Variants in KHDRBS2 observed in about 807,000 individuals in gnomAD.
KHDRBS2 encodes the protein KH RNA binding domain containing, signal transduction associated 2.
KHDRBS2 carries 26 observed loss-of-function variants against 44.3 expected under a neutral mutation model. That is an observed-to-expected ratio of 0.59 (90% CI 0.43 to 0.81). The LOEUF is 0.81. Among genes scored for constraint, KHDRBS2 ranks in the 40% least tolerant of loss-of-function variants. KHDRBS2 has a pLI of 0.00. For synonymous variants in KHDRBS2, 194 were observed against 151.1 expected (o/e 1.28, Z -2.08); for missense variants, 476 against 433.1 (o/e 1.10, Z -0.88).
intron 2 of KHDRBS2, among the ~76,000 whole-genome samples, chr6:62,099,136 A>G (rs1184154453): frequency 6.6e-6 from 1 of 152,156 alleles, no homozygotes; most frequent in Non-Finnish European, 1.5e-5. Flanking sequence ...CTTTAGGGTC[A>G]GTATCCGGTA....
At chr6:61,740,709 T>G (rs1490473116) in intron 6 of KHDRBS2, among the ~76,000 whole-genome samples, 1 of 151,902 alleles carries the variant, frequency 6.6e-6, no homozygotes, top group Admixed American at 6.6e-5. Flanking sequence ...ACTGTTGATA[T>G]AGTGTAAGGA....
chr6:62,119,283 A>G (rs1157478018), intron 2 of KHDRBS2, among the ~76,000 whole-genome samples: 1 of 152,296 alleles, frequency 6.6e-6, no homozygotes, highest in South Asian at 2.1e-4. Context: ...TAGTGACTCT[A>G]TACATAATAC....
intron 1 of KHDRBS2, among the ~76,000 whole-genome samples, chr6:62,235,647 T>C (rs1268095052): frequency 6.6e-6 from 1 of 152,072 alleles, no homozygotes; most frequent in African/African-American, 2.4e-5. Flanking sequence ...TACAATATTT[T>C]CAGTGACACT....
intron 1 of KHDRBS2, among the ~76,000 whole-genome samples, chr6:62,255,152 T>C (rs16882700): frequency 0.03 from 4,596 of 152,076 alleles, 178 homozygotes; most frequent in African/African-American, 0.1. Context: ...AAATAGATCA[T>C]CTTCCCAAAG....
chr6:61,714,854 T>C (rs1320721842), intron 7 of KHDRBS2, among the ~76,000 whole-genome samples: 1 of 151,732 alleles, frequency 6.6e-6, no homozygotes, highest in African/African-American at 2.4e-5. Flanking sequence ...TATGTACCCA[T>C]GGATGTAGAG....
At chr6:62,112,454 C>T (rs1179183165) in intron 2 of KHDRBS2, among the ~76,000 whole-genome samples, 7 of 151,970 alleles carry the variant, frequency 4.6e-5, no homozygotes, top group Non-Finnish European at 7.4e-5. Context: ...TAGATGAAAC[C>T]CTTTTGGCAT....
intron 6 of KHDRBS2, among the ~76,000 whole-genome samples, chr6:61,794,302 A>G (rs1293124265): frequency 6.6e-6 from 1 of 152,180 alleles, no homozygotes; most frequent in Admixed American, 6.5e-5. Context: ...GTGTTCTAAT[A>G]CGTGTAAGAC....
chr6:62,165,556 T>G (rs1818512418), intron 2 of KHDRBS2, among the ~76,000 whole-genome samples: 1 of 151,894 alleles, frequency 6.6e-6, no homozygotes, highest in African/African-American at 2.4e-5. Context: ...AATCTTGCAT[T>G]CCTGAAATGA....
rs573169273 is a variant in KHDRBS2 at position 61,885,572 on chromosome 6, T to C, written c.810+9063A>G. Among the ~76,000 whole-genome samples the C allele has an allele frequency of 9.3e-4, 141 of 152,274 alleles. 1 individual carries two copies. The highest frequency in any genetic ancestry group is 2.1e-3 in the South Asian group (10 of 4,818). On this transcript the variant is annotated intron_variant, in intron 6 of 8. Transcript: ENST00000281156. Reference sequence around the variant, plus strand: ...GTAGGAGTATTCCTGGAAATATTTATACAACAGAACAGTAGCAATATCTAA... The same window carrying C: ...GTAGGAGTATTCCTGGAAATATTTACACAACAGAACAGTAGCAATATCTAA...
At chr6:62,241,815 C>T (rs935017978) in intron 1 of KHDRBS2, among the ~76,000 whole-genome samples, 1 of 149,262 alleles carries the variant, frequency 6.7e-6, no homozygotes, top group Non-Finnish European at 1.5e-5. Flanking sequence ...GAGCCAAGTA[C>T]AGTAGAAGGG....
intron 2 of KHDRBS2, among the ~76,000 whole-genome samples, chr6:62,059,759 T>A (rs1791285992): frequency 6.6e-6 from 1 of 151,732 alleles, no homozygotes; most frequent in African/African-American, 2.4e-5. Context: ...GGGTAGTATT[T>A]CAAGTCATGA....
chr6:61,548,962 A>G, the KHDRBS2 span, among the ~76,000 whole-genome samples: 1 of 152,112 alleles, frequency 6.6e-6, no homozygotes, highest in Non-Finnish European at 1.5e-5. Context: ...CTCAGCAAAC[A>G]CTTGGAATGG....
intron 2 of KHDRBS2, among the ~76,000 whole-genome samples, chr6:62,117,695 G>C (rs1181719301): frequency 6.6e-6 from 1 of 152,030 alleles, no homozygotes; most frequent in Non-Finnish European, 1.5e-5. Flanking sequence ...CCAATGTCCT[G>C]AGGTGTTTTT....
chr6:61,600,380 A>T, the KHDRBS2 span, among the ~76,000 whole-genome samples: 1 of 152,142 alleles, frequency 6.6e-6, no homozygotes, highest in Admixed American at 6.6e-5. Context: ...ACCATGTGAA[A>T]TTCCTTCTCC....
intron 6 of KHDRBS2, among the ~76,000 whole-genome samples, chr6:61,758,427 A>G (rs1280321607): frequency 3.3e-5 from 5 of 151,876 alleles, no homozygotes; most frequent in Non-Finnish European, 7.4e-5. Flanking sequence ...ATGTTTGACA[A>G]ATAGGTTCTT....
intron 4 of KHDRBS2, among the ~76,000 whole-genome samples, chr6:61,933,828 G>T (rs1046593178): frequency 1.3e-5 from 2 of 152,102 alleles, no homozygotes; most frequent in African/African-American, 4.8e-5. Flanking sequence ...AATATGGATT[G>T]CTGGATCATT....
intron 3 of KHDRBS2, among the ~76,000 whole-genome samples, chr6:62,040,116 T>G (rs1786135381): frequency 6.6e-6 from 1 of 152,076 alleles, no homozygotes; most frequent in Non-Finnish European, 1.5e-5. Context: ...TTGACAAGTT[T>G]TAAATAAAAT....
the KHDRBS2 span, chr6:61,574,471 G>A: frequency 7.8e-7 from 1 of 1,274,580 alleles, no homozygotes; most frequent in Non-Finnish European, 1.1e-6. Context: ...TAAGCCCACA[G>A]GCTCTAACCT....
At chr6:61,700,989 T>C (rs1349754352) in intron 7 of KHDRBS2, among the ~76,000 whole-genome samples, 1 of 151,890 alleles carries the variant, frequency 6.6e-6, no homozygotes, top group African/African-American at 2.4e-5. Context: ...GGAATAACTA[T>C]GTAGAAATGT....
Sources: gnomAD v4.1 joint callset for allele counts (sites outside exome capture counted in the v4.1 genomes callset) on GRCh38, gnomAD v4.1.1 for gene constraint, MANE v1.5 for transcripts, NCBI Gene and HGNC (gene_info 2026-07-23, HGNC 2026-07-21) for gene names.